The following DNAH3 variants were observed in gnomAD, a reference collection of about 807,000 sequenced individuals.
DNAH3 encodes the protein axonemal beta dynein heavy chain 3.
Under a neutral mutation model 432.5 loss-of-function variants are expected in DNAH3, and 332 were observed. That is an observed-to-expected ratio of 0.77 (90% CI 0.70 to 0.84). The LOEUF (loss-of-function observed/expected upper bound fraction) is 0.84, where lower values mean the gene tolerates loss of function less well. Among genes scored for constraint, DNAH3 ranks in the 40% least tolerant of loss-of-function variants. DNAH3 has a pLI of 0.00. For missense variants in DNAH3, 4,861 were observed against 5,114.0 expected (o/e 0.95, Z 1.51); for synonymous variants, 1,956 against 1,900.2 (o/e 1.03, Z -0.76).
chr16:20,961,500 A>T (rs2152616183), intron 53 of DNAH3, among the ~76,000 whole-genome samples: 1 of 151,536 alleles, frequency 6.6e-6, no homozygotes, highest in South Asian at 2.1e-4. Flanking sequence ...ATAATAATAA[A>T]AAATAAATGA....
Position 21,024,720 on chromosome 16 carries a change from C to A in DNAH3, c.5541-19G>T. On this transcript the variant is annotated intron_variant, in intron 38 of 61. Transcript: ENST00000261383. ...CCCACACCTGGGAAGCACAGAGGAC[C>A]AGTTTAGGTGCTCGCTTCTTTGTTA... 1 of 1,586,708 alleles carries A rather than the reference C, an allele frequency of 6.3e-7. No homozygotes were observed. The highest frequency in any genetic ancestry group is 8.7e-7 in the Non-Finnish European group (1 of 1,155,422).
intron 33 of DNAH3, among the ~76,000 whole-genome samples, chr16:21,038,890 T>C (rs570022340): frequency 6.6e-6 from 1 of 152,356 alleles, no homozygotes; most frequent in Admixed American, 6.5e-5. Flanking sequence ...TGAGAATTTC[T>C]GTAGCCCCTT....
intron 52 of DNAH3, among the ~76,000 whole-genome samples, chr16:20,969,074 CTT>C (rs929210298): frequency 7.1e-6 from 1 of 140,670 alleles, no homozygotes; most frequent in Non-Finnish European, 1.5e-5. Flanking sequence ...TCCCCATCTG[CTT>C]TTTCTTTCTC....
intron 21 of DNAH3, among the ~76,000 whole-genome samples, chr16:21,074,703 G>A (rs898370687): frequency 6.6e-6 from 1 of 152,046 alleles, no homozygotes; most frequent in East Asian, 1.9e-4. Flanking sequence ...GACAGAGCAA[G>A]GCTCCATCTC....
In DNAH3 at chr16:21,150,289, C is replaced by T. The variant is rs1186022303; in HGVS notation, c.118-4201G>A. 2 of 454,114 alleles carry T rather than the reference C, an allele frequency of 4.4e-6. No individual in the cohort carries two copies. The highest frequency in any genetic ancestry group is 1.4e-4 in the East Asian group (2 of 14,380). The allele number at this position is 454,114 out of a possible 1,614,324, so 28.1% of individuals were successfully genotyped here. On this transcript the variant is annotated intron_variant, in intron 1 of 61. Coordinates refer to ENST00000261383, the Ensembl canonical transcript of DNAH3. ...AGAAACGTCTTAAAATTCACACCTA[C>T]CTTCTGAGATGAGCAATCCATGTCA... is the stretch of plus-strand genomic sequence containing the variant.
At chr16:21,067,766 G>GA (rs1350001665) in intron 23 of DNAH3, among the ~76,000 whole-genome samples, 4 of 38,766 alleles carry the variant, frequency 1.0e-4, no homozygotes, top group Non-Finnish European at 1.4e-4. Context: ...TTGGGGGGGG[G>GA]GGTGGGGAGG....
chr16:21,097,564 G>A, intron 17 of DNAH3, 65 bp from the exon 18 acceptor site: 1 of 1,593,596 alleles, frequency 6.3e-7, no homozygotes, highest in Non-Finnish European at 8.5e-7. Flanking sequence ...GAAGACACCA[G>A]GGCAAATTCC....
In DNAH3 at chr16:21,076,968, G is replaced by A. The variant is rs528224448; in HGVS notation, c.2970-1407C>T. Reference sequence around the variant, plus strand: ...CAGCATCCCTGGTCTCTACCCACTAGACACCAGCAGCAGACTCCCCAGCCC... The same window carrying A: ...CAGCATCCCTGGTCTCTACCCACTAAACACCAGCAGCAGACTCCCCAGCCC... On this transcript the variant is annotated intron_variant, in intron 20 of 61. Transcript: ENST00000261383. 1.4e-4 allele frequency among the ~76,000 whole-genome samples: 22 copies of A among 152,218 alleles called. No homozygotes were observed. In the South Asian group the frequency reaches 3.7e-3, roughly 26 times the overall value.
At chr16:20,947,978 G>C (rs1445187414) in intron 57 of DNAH3, among the ~76,000 whole-genome samples, 1 of 152,078 alleles carries the variant, frequency 6.6e-6, no homozygotes, top group African/African-American at 2.4e-5. Context: ...GTTTCACCAT[G>C]TTGGTCAGGC....
chr16:21,039,367 C>T (rs755807103), intron 33 of DNAH3, among the ~76,000 whole-genome samples: 1 of 151,822 alleles, frequency 6.6e-6, no homozygotes, highest in Non-Finnish European at 1.5e-5. Context: ...TACAGGTGCA[C>T]GCCACCAAGC....
intron 60 of DNAH3, 81 bp downstream of exon 60, chr16:20,936,568 G>C: frequency 7.8e-7 from 1 of 1,285,402 alleles, no homozygotes; most frequent in South Asian, 1.4e-5. Flanking sequence ...TCCTCCCCCT[G>C]CCTCTAGTCT....
chr16:21,051,764 C>A, exon 29 of DNAH3: 1 of 1,614,120 alleles, frequency 6.2e-7, no homozygotes, highest in East Asian at 2.2e-5. Flanking sequence ...ATAATCTGCA[C>A]CTGCACATCC....
chr16:20,947,145 C>G (rs1483664260), intron 57 of DNAH3, among the ~76,000 whole-genome samples: 2 of 151,920 alleles, frequency 1.3e-5, no homozygotes, highest in African/African-American at 4.8e-5. Flanking sequence ...TCTTAAGACT[C>G]CACCTAGAGA....
chr16:21,068,325 T>TGGGCGG (rs1251536368), intron 23 of DNAH3, among the ~76,000 whole-genome samples: 1 of 76,606 alleles, frequency 1.3e-5, no homozygotes. Flanking sequence ...TTTTTTTGGG[T>TGGGCGG]GGGGGGGGGG....
chr16:21,086,752 G>T, intron 19 of DNAH3, 97 bp downstream of exon 19: 1 of 1,075,248 alleles, frequency 9.3e-7, no homozygotes, highest in South Asian at 1.4e-5. Flanking sequence ...TTTCGGAAAG[G>T]AGAAGCTTGA....
At position 21,091,726 on chromosome 16, in the gene DNAH3, G is replaced by C. The variant is rs187371043; in HGVS notation, c.2666-4666C>G. ...AACTACTCAGGAGGCTAAGGCAGGA[G>C]AATCACTTGAACCCAGGAGGTGGAG... On this transcript the variant is annotated intron_variant, in intron 18 of 61. Transcript: ENST00000261383. Among the ~76,000 whole-genome samples, 61 of 152,186 alleles carry C rather than the reference G, an allele frequency of 4.0e-4. No homozygotes were observed. The East Asian group carries it at 0.011, about 28-fold the overall frequency.
chr16:21,096,798 G>C (rs1227294677), intron 18 of DNAH3, among the ~76,000 whole-genome samples: 1 of 152,118 alleles, frequency 6.6e-6, no homozygotes, highest in African/African-American at 2.4e-5. Flanking sequence ...CCTGAAGTAA[G>C]AGAACTAAGT....
intron 15 of DNAH3, 143 bp downstream of exon 15, chr16:21,106,347 A>G: frequency 1.5e-6 from 1 of 671,240 alleles, no homozygotes; most frequent in Non-Finnish European, 2.2e-6. Context: ...ATTTAGTGGT[A>G]GAATTCATAT....
In DNAH3 at chr16:21,139,682, G is replaced by A. The variant is rs143827259; in HGVS notation, c.696+854C>T. ...TGGGTTTCTCCATGTTACCCAGGCT[G>A]GTCTTGAGATCCTGGGCTCAAGTGA... On this transcript the variant is annotated intron_variant, in intron 5 of 61. Transcript: ENST00000261383. 4.3e-3 allele frequency among the ~76,000 whole-genome samples: 650 copies of A among 151,542 alleles called. 7 individuals are homozygous for A. Among genetic ancestry groups the A allele is most frequent in the African/African-American group, 0.015 (608 of 41,276 alleles).
Sources: gnomAD v4.1 joint callset for allele counts (sites outside exome capture counted in the v4.1 genomes callset) on GRCh38, gnomAD v4.1.1 for gene constraint, MANE v1.5 for transcripts, NCBI Gene and HGNC (gene_info 2026-07-23, HGNC 2026-07-21) for gene names.